SLC66A3: variants seen among roughly 807,000 people sequenced by gnomAD.
SLC66A3 encodes the protein solute carrier family 66 member 3, also known as PQ loop repeat containing 3.
A neutral mutation model predicts 25.5 loss-of-function variants in SLC66A3; 23 were observed. That is an observed-to-expected ratio of 0.90 (90% CI 0.65 to 1.28). The LOEUF (loss-of-function observed/expected upper bound fraction) is 1.28. SLC66A3 is among the 50% of genes most tolerant of loss of function. The probability of loss-of-function intolerance (pLI) is 0.00; values close to 1 mark genes in which losing one functional copy is unlikely to be tolerated. For missense variants in SLC66A3, 246 were observed against 262.1 expected, an observed-to-expected ratio of 0.94 and a Z score of 0.42; for synonymous variants, 108 against 112.6, an observed-to-expected ratio of 0.96 and a Z score of 0.26.
rs1161882465 is a variant in SLC66A3, at chr2:11,164,327, T to TTATATATATATA, written c.354+74_354+85dup. ...ACCTTGGAGAGAACTTGATAGATAT[T>TTATATATATATA]TATATATATATATATATATTTTTTT... On this transcript the variant is annotated intron_variant, in intron 4 of 6. Coordinates refer to ENST00000295083, the MANE Select transcript of SLC66A3 (RefSeq NM_152391.5). 186 of 176,016 alleles carry TTATATATATATA rather than the reference T, an allele frequency of 1.1e-3. 17 individuals carry two copies. Among genetic ancestry groups the TTATATATATATA allele is most frequent in the East Asian group, 7.7e-4 (3 of 3,912 alleles). The allele number at this position is 176,016 out of a possible 1,614,324, so 10.9% of individuals were successfully genotyped here. A position where few individuals can be genotyped will look rare whatever the true frequency, so the allele number is the denominator to read the frequency against.
chr2:11,169,937 T>G (rs1662490163), intron 4 of SLC66A3, among the ~76,000 whole-genome samples: 1 of 146,492 alleles, frequency 6.8e-6, no homozygotes, highest in African/African-American at 2.5e-5. Context: ...CTCCTGGGTT[T>G]AAGTGATTCT....
chr2:11,167,662 T>C (rs1201700240), intron 4 of SLC66A3, among the ~76,000 whole-genome samples: 2 of 152,156 alleles, frequency 1.3e-5, no homozygotes, highest in African/African-American at 4.8e-5. Context: ...ACTGACTCAA[T>C]GAGTGTTCCT....
At chr2:11,169,530 C>A (rs560447173) in intron 4 of SLC66A3, among the ~76,000 whole-genome samples, 1 of 152,150 alleles carries the variant, frequency 6.6e-6, no homozygotes, top group South Asian at 2.1e-4. Context: ...CACTGCCCAC[C>A]GGGCTTCCAG....
chr2:11,155,827 A>T, intron 1 of SLC66A3, 138 bp downstream of exon 1: 1 of 785,602 alleles, frequency 1.3e-6, no homozygotes, highest in Non-Finnish European at 1.8e-6. Context: ...CCGAGGGTGA[A>T]CTAGGGAGCC....
intron 5 of SLC66A3, among the ~76,000 whole-genome samples, chr2:11,174,589 C>G (rs1165136991): frequency 6.6e-6 from 1 of 151,910 alleles, no homozygotes; most frequent in Non-Finnish European, 1.5e-5. Context: ...CTTTGCCTCC[C>G]AGGTTCAAGC....
At chr2:11,176,308 C>T (rs540513385) in intron 6 of SLC66A3, among the ~76,000 whole-genome samples, 37 of 151,738 alleles carry the variant, frequency 2.4e-4, no homozygotes, top group African/African-American at 6.5e-4. Flanking sequence ...CTCTGCCTCC[C>T]GGGTTCAAGC....
At chr2:11,165,076 G>GCAGA (rs1237838908) in intron 4 of SLC66A3, among the ~76,000 whole-genome samples, 1 of 152,196 alleles carries the variant, frequency 6.6e-6, no homozygotes, top group African/African-American at 2.4e-5. Flanking sequence ...TGGCGGCCGG[G>GCAGA]CAGAGGGGTC....
At chr2:11,164,535 G>A (rs1662246788) in intron 4 of SLC66A3, among the ~76,000 whole-genome samples, 1 of 147,540 alleles carries the variant, frequency 6.8e-6, no homozygotes, top group African/African-American at 2.5e-5. Context: ...ATTCATTTTT[G>A]TTTTCTTTTT....
Position 11,178,109 on chromosome 2 carries a change from GCCATTTTGAGC to G in SLC66A3, c.*283_*293del, listed in dbSNP as rs939887980. ...AGTCATCCAAGAAGCCCATTTTGAGGCCATTTTGAGCCTTACTCTTAAGTTCTCTATGAAGA... is the reference window on the plus strand; with the variant it reads ...AGTCATCCAAGAAGCCCATTTTGAGGCTTACTCTTAAGTTCTCTATGAAGA... On this transcript the variant is annotated 3_prime_UTR_variant, in exon 7 of 7. Coordinates refer to ENST00000295083, the MANE Select transcript of SLC66A3 (RefSeq NM_152391.5). 3 of 101,984 alleles carry G rather than the reference GCCATTTTGAGC, an allele frequency of 2.9e-5. No individual in the cohort carries two copies. The highest frequency in any genetic ancestry group is 9.3e-5 in the African/African-American group (3 of 32,286). The allele number at this position is 101,984 out of a possible 1,614,324, so 6.3% of individuals were successfully genotyped here.
chr2:11,159,325 CGGCAG>C (rs1662029670), intron 1 of SLC66A3, among the ~76,000 whole-genome samples: 1 of 152,136 alleles, frequency 6.6e-6, no homozygotes, highest in South Asian at 2.1e-4. Context: ...AGAGTCCCTG[CGGCAG>C]GGCAGGGCAG....
intron 4 of SLC66A3, among the ~76,000 whole-genome samples, chr2:11,168,427 C>T (rs1409392293): frequency 6.6e-6 from 1 of 152,138 alleles, no homozygotes; most frequent in Non-Finnish European, 1.5e-5. Context: ...GGGGCCCAAA[C>T]CAACACTACT....
intron 1 of SLC66A3, among the ~76,000 whole-genome samples, chr2:11,156,072 C>T (rs1232195410): frequency 2.6e-5 from 4 of 152,234 alleles, no homozygotes; most frequent in Admixed American, 2.6e-4. Context: ...CCGTCAACCT[C>T]GTTCTCGGGC....
intron 1 of SLC66A3, among the ~76,000 whole-genome samples, chr2:11,156,413 C>T (rs1661902617): frequency 6.6e-6 from 1 of 152,200 alleles, no homozygotes; most frequent in South Asian, 2.1e-4. Context: ...TAGGAAAACA[C>T]ATACCTCAAC....
At chr2:11,155,863 GGCCACCC>G (rs1281401361) in intron 1 of SLC66A3, among the ~76,000 whole-genome samples, 174 bp downstream of exon 1, 1 of 152,170 alleles carries the variant, frequency 6.6e-6, no homozygotes, top group African/African-American at 2.4e-5. Flanking sequence ...CTCTTCCCAC[GGCCACCC>G]GCCACCCGCG....
chr2:11,168,574 C>G (rs1023274583), intron 4 of SLC66A3, among the ~76,000 whole-genome samples: 2 of 152,148 alleles, frequency 1.3e-5, no homozygotes, highest in Admixed American at 6.5e-5. Flanking sequence ...GCTTCCCCAG[C>G]TCTTCCCATT....
intron 4 of SLC66A3, among the ~76,000 whole-genome samples, chr2:11,167,263 G>A (rs908787390): frequency 8.5e-5 from 13 of 152,276 alleles, no homozygotes; most frequent in Admixed American, 7.8e-4. Context: ...TGGTCAAAAT[G>A]GCGAAACCCC....
In SLC66A3 at chr2:11,172,097, A is replaced by G. The variant is rs553368316; in HGVS notation, c.475+52A>G. The G allele has an allele frequency of 2.9e-5, 47 of 1,593,424 alleles. No individual in the cohort carries two copies. In the African/African-American group the frequency reaches 5.5e-4, roughly 19 times the overall value. On this transcript the variant is annotated intron_variant, in intron 5 of 6. Coordinates refer to ENST00000295083, the MANE Select transcript of SLC66A3 (RefSeq NM_152391.5). ...AGGCCTTTGGTAGCACCAAGTGTCT[A>G]CGTAGTAGGGTGTTAAGTTGGTGTT... is the stretch of plus-strand genomic sequence containing the variant.
intron 4 of SLC66A3, among the ~76,000 whole-genome samples, chr2:11,169,413 G>GT (rs1662465491): frequency 6.6e-6 from 1 of 152,136 alleles, no homozygotes; most frequent in African/African-American, 2.4e-5. Context: ...CTCTTGTCAA[G>GT]GCCAGCGGCT....
At chr2:11,166,062 CAG>C (rs941228661) in intron 4 of SLC66A3, among the ~76,000 whole-genome samples, 1 of 152,098 alleles carries the variant, frequency 6.6e-6, no homozygotes, top group African/African-American at 2.4e-5. Flanking sequence ...TTAGTAGAGA[CAG>C]GGTTTCACTG....
Sources: allele counts gnomAD v4.1 joint callset (sites outside exome capture counted in the v4.1 genomes callset), GRCh38; gene constraint gnomAD v4.1.1; transcripts MANE v1.5; gene names NCBI Gene and HGNC (gene_info 2026-07-23, HGNC 2026-07-21).